The following COP1 variants were observed in gnomAD, a reference collection of about 807,000 sequenced individuals.
COP1 encodes E3 ubiquitin-protein ligase COP1.
A neutral mutation model predicts 101.3 loss-of-function variants in COP1; 24 were observed. The ratio of observed to expected loss-of-function variants is 0.24; its 90% CI spans 0.17 to 0.33. COP1 has a LOEUF of 0.33. COP1 is among the 10% of genes least tolerant of loss of function. The probability of loss-of-function intolerance (pLI) is 1.00; values close to 1 mark genes in which losing one functional copy is unlikely to be tolerated. For synonymous variants in COP1, 347 were observed against 341.9 expected, an observed-to-expected ratio of 1.01 and a Z score of -0.17; for missense variants, 663 against 906.2, an observed-to-expected ratio of 0.73 and a Z score of 3.45.
At chr1:176,191,368 T>A (rs1699100172) in intron 1 of COP1, among the ~76,000 whole-genome samples, 1 of 152,016 alleles carries the variant, frequency 6.6e-6, no homozygotes, top group Admixed American at 6.6e-5. Context: ...TTATTTTAAA[T>A]ATACTCAAAT....
intron 18 of COP1, chr1:175,968,445 A>C (rs1311624575): frequency 1.9e-6 from 1 of 519,042 alleles, no homozygotes; most frequent in Non-Finnish European, 3.8e-6. Flanking sequence ...CCTAAGCCAG[A>C]CAGAGACCTC....
intron 15 of COP1, among the ~76,000 whole-genome samples, chr1:176,007,637 T>C (rs7543761): frequency 0.75 from 113,944 of 151,314 alleles, 44,786 homozygotes; most frequent in East Asian, 0.92. Context: ...CTGGGGGGTG[T>C]CTCCCAGTTA....
At chr1:176,019,724 C>T (rs1039017503) in intron 15 of COP1, among the ~76,000 whole-genome samples, 3 of 150,198 alleles carry the variant, frequency 2.0e-5, no homozygotes, top group Non-Finnish European at 3.0e-5. Flanking sequence ...AGCCAGGCAT[C>T]GTAGCATGCT....
intron 9 of COP1, among the ~76,000 whole-genome samples, chr1:176,087,638 C>T (rs573376085): frequency 4.6e-5 from 7 of 152,258 alleles, no homozygotes; most frequent in Non-Finnish European, 5.9e-5. Context: ...GAAACAGGAA[C>T]GCTTTTACAC....
intron 9 of COP1, among the ~76,000 whole-genome samples, chr1:176,115,114 C>T (rs936439977): frequency 2.0e-5 from 3 of 152,178 alleles, no homozygotes; most frequent in African/African-American, 4.8e-5. Context: ...TTAGTATTTT[C>T]GTAATTTTTC....
chr1:176,006,953 T>C (rs1320026698), intron 15 of COP1, among the ~76,000 whole-genome samples: 1 of 152,094 alleles, frequency 6.6e-6, no homozygotes, highest in African/African-American at 2.4e-5. Flanking sequence ...TTTTCCAACT[T>C]GGTTCCATTC....
intron 1 of COP1, among the ~76,000 whole-genome samples, chr1:176,186,222 G>C (rs1487927111): frequency 6.6e-6 from 1 of 151,736 alleles, no homozygotes; most frequent in African/African-American, 2.4e-5. Flanking sequence ...TTGAGAAAGG[G>C]GTATTTTAGT....
At chr1:176,093,789 G>A (rs975224575) in intron 9 of COP1, among the ~76,000 whole-genome samples, 20 of 152,076 alleles carry the variant, frequency 1.3e-4, no homozygotes, top group African/African-American at 4.8e-4. Context: ...GCAGTGAGCC[G>A]AGATCAAGCC....
At chr1:176,033,447 T>TAAC (rs1274757459) in intron 14 of COP1, among the ~76,000 whole-genome samples, 1 of 151,824 alleles carries the variant, frequency 6.6e-6, no homozygotes, top group East Asian at 1.9e-4. Context: ...ATAATAATAA[T>TAAC]ATTAAGGAAA....
At position 176,178,986 on chromosome 1, in the gene COP1, T is replaced by A. The variant is rs552718260; in HGVS notation, c.468-2979A>T. Among the ~76,000 whole-genome samples the A allele has an allele frequency of 2.0e-4, 30 of 146,364 alleles. No homozygotes were observed. In the East Asian group the frequency reaches 3.2e-3, roughly 16 times the overall value. On this transcript the variant is annotated intron_variant, in intron 2 of 19. Transcript: ENST00000367669. ...GGTCAGGAGAATTTTTTTTTTTTAG[T>A]TTTTTTTTTTAAAAAAAGACAAGGC...
chr1:175,993,620 G>C (rs1449485539), intron 15 of COP1, among the ~76,000 whole-genome samples: 4 of 152,200 alleles, frequency 2.6e-5, no homozygotes, highest in Non-Finnish European at 1.5e-5. Flanking sequence ...GAGCCGATGA[G>C]ATGAACTGGA....
chr1:176,143,806 C>A (rs2149792860), intron 6 of COP1, among the ~76,000 whole-genome samples: 1 of 152,108 alleles, frequency 6.6e-6, no homozygotes, highest in East Asian at 1.9e-4. Context: ...ATTGACTCCC[C>A]AATGCTAAAC....
chr1:175,978,603 A>G (rs1456913113), intron 18 of COP1, among the ~76,000 whole-genome samples: 1 of 152,102 alleles, frequency 6.6e-6, no homozygotes, highest in Admixed American at 6.6e-5. Context: ...AGGAGATGGG[A>G]GTCTTTCTGG....
chr1:175,986,155 G>A (rs1307133559), intron 18 of COP1, among the ~76,000 whole-genome samples: 1 of 152,086 alleles, frequency 6.6e-6, no homozygotes, highest in Non-Finnish European at 1.5e-5. Context: ...GAGTAGCTGG[G>A]ACTACAGTCA....
At chr1:175,977,503 C>T (rs1314750090) in intron 18 of COP1, among the ~76,000 whole-genome samples, 1 of 151,982 alleles carries the variant, frequency 6.6e-6, no homozygotes, top group Non-Finnish European at 1.5e-5. Context: ...TAGCTGATGT[C>T]AACCCTGATA....
intron 14 of COP1, among the ~76,000 whole-genome samples, chr1:176,028,941 ACAGGGTTT>A (rs1557957469): frequency 6.6e-6 from 1 of 151,036 alleles, no homozygotes; most frequent in East Asian, 1.9e-4. Context: ...TTTTGTAAAG[ACAGGGTTT>A]CATCACGTTG....
intron 18 of COP1, among the ~76,000 whole-genome samples, chr1:175,958,510 A>C (rs1650952495): frequency 6.6e-6 from 1 of 151,972 alleles, no homozygotes; most frequent in African/African-American, 2.4e-5. Context: ...TTATATATAA[A>C]CCTTGCTATT....
intron 14 of COP1, among the ~76,000 whole-genome samples, chr1:176,030,933 GGA>G (rs1347747245): frequency 2.6e-5 from 4 of 151,970 alleles, no homozygotes; most frequent in Non-Finnish European, 4.4e-5. Flanking sequence ...GTCTTCATAA[GGA>G]GAGAGAGATT....
chr1:176,079,128 C>T (rs984714256), intron 11 of COP1, among the ~76,000 whole-genome samples: 7 of 152,008 alleles, frequency 4.6e-5, no homozygotes, highest in Admixed American at 1.3e-4. Flanking sequence ...CCAGCAATCC[C>T]ATTAGTAGGT....
Sources: gnomAD v4.1 joint callset for allele counts (sites outside exome capture counted in the v4.1 genomes callset) on GRCh38, gnomAD v4.1.1 for gene constraint, MANE v1.5 for transcripts, NCBI Gene and HGNC (gene_info 2026-07-23, HGNC 2026-07-21) for gene names.